The following ZFP90 variants were observed in gnomAD, a reference collection of about 807,000 sequenced individuals.
ZFP90 encodes the protein zinc finger protein 90 homolog.
ZFP90 carries 38 observed loss-of-function variants against 60.8 expected under a neutral mutation model. The ratio of observed to expected loss-of-function variants is 0.62; its 90% CI spans 0.48 to 0.82. The LOEUF (loss-of-function observed/expected upper bound fraction) is 0.82. Ranked by LOEUF, ZFP90 falls within the 40% of genes least tolerant of loss-of-function variation. The pLI, the probability that ZFP90 is intolerant of heterozygous loss-of-function variation, is 0.00. For synonymous variants in ZFP90, 287 were observed against 264.8 expected (o/e 1.08, Z -0.82); for missense variants, 711 against 759.1 (o/e 0.94, Z 0.74).
intron 2 of ZFP90, among the ~76,000 whole-genome samples, chr16:68,547,829 G>T (rs2091176913): frequency 1.4e-5 from 1 of 70,600 alleles, no homozygotes; most frequent in African/African-American, 6.9e-5. Context: ...AAATACAGTT[G>T]ATCTCTCTTT....
intron 2 of ZFP90, among the ~76,000 whole-genome samples, chr16:68,545,707 C>T (rs372866181): frequency 2.0e-5 from 3 of 152,056 alleles, no homozygotes; most frequent in South Asian, 4.2e-4. Flanking sequence ...CCCAGCTACT[C>T]GGGAGGCTGA....
intron 4 of ZFP90, among the ~76,000 whole-genome samples, chr16:68,559,046 C>G (rs1415017751): frequency 6.6e-6 from 1 of 152,140 alleles, no homozygotes; most frequent in South Asian, 2.1e-4. Context: ...TGACTCATTA[C>G]CTCCCTCCAC....
At chr16:68,545,982 C>G (rs955722178) in intron 2 of ZFP90, among the ~76,000 whole-genome samples, 2 of 152,058 alleles carry the variant, frequency 1.3e-5, no homozygotes, top group Non-Finnish European at 2.9e-5. Flanking sequence ...CGAAACCAAC[C>G]TGGGCCACAT....
intron 2 of ZFP90, among the ~76,000 whole-genome samples, chr16:68,556,172 A>G (rs1444761849): frequency 6.6e-6 from 1 of 151,864 alleles, no homozygotes; most frequent in Non-Finnish European, 1.5e-5. Flanking sequence ...CCTGTCTCCA[A>G]AAAAAAAGCC....
chr16:68,569,903 A>C (rs537542544), downstream of ZFP90, among the ~76,000 whole-genome samples: 1 of 152,162 alleles, frequency 6.6e-6, no homozygotes, highest in Admixed American at 6.5e-5. Flanking sequence ...GTCGTCCTCT[A>C]GTGTATTAGA....
intron 2 of ZFP90, among the ~76,000 whole-genome samples, chr16:68,550,285 A>G (rs1392583115): frequency 3.3e-5 from 5 of 152,282 alleles, no homozygotes; most frequent in Admixed American, 2.6e-4. Flanking sequence ...TTTGAAACAG[A>G]GTCTCACTCT....
intron 2 of ZFP90, chr16:68,555,094 C>T (rs2091322436): frequency 6.6e-6 from 1 of 152,250 alleles, no homozygotes; most frequent in African/African-American, 2.4e-5. Context: ...CTCTTAGGAC[C>T]TGGTACAGAG....
At chr16:68,535,395 A>AG (rs2152049135), upstream of ZFP90, 1 of 152,304 alleles carries the variant, frequency 6.6e-6, no homozygotes, top group South Asian at 2.1e-4. Context: ...TCATCTATGG[A>AG]GTCCCAATTT....
Position 68,566,945 on chromosome 16 carries a change from A to G in ZFP90, c.*2247A>G. On this transcript the variant is annotated 3_prime_UTR_variant, in exon 5 of 5. Coordinates refer to ENST00000563169, the MANE Select transcript of ZFP90 (RefSeq NM_001305203.2). The stretch of plus-strand genomic sequence containing the variant: ...TGGCCTAGATCCAGCCACCACTCTG[A>G]AACTCAGCACATCTTCATTGACAGG... The G allele has an allele frequency of 1.0e-6, 1 of 985,632 alleles. No homozygotes were observed. The highest frequency in any genetic ancestry group is 4.7e-5 in the South Asian group (1 of 21,292). 61.1% of individuals were successfully genotyped at this position (985,632 alleles called of 1,614,324 possible).
chr16:68,539,641 A>G (rs2152051782), intron 1 of ZFP90, 117 bp from the exon 2 acceptor site: 2 of 811,944 alleles, frequency 2.5e-6, no homozygotes, highest in Non-Finnish European at 3.6e-6. Flanking sequence ...GGCTGGTTCC[A>G]CGGTCCTCGC....
Position 68,564,005 on chromosome 16 carries a change from C to T in ZFP90, c.1218C>T (p.Ser406=). 6.2e-7 allele frequency: 1 copy of T among 1,613,862 alleles called. No individual in the cohort carries two copies. The highest frequency in any genetic ancestry group is 8.5e-7 in the Non-Finnish European group (1 of 1,179,958). Residue 406 remains serine (S), a synonymous_variant, in exon 5 of 5, where the codon AGC becomes AGT. Coordinates refer to ENST00000563169, the MANE Select transcript of ZFP90 (RefSeq NM_001305203.2). Reference sequence around the variant, plus strand: ...TATGTGGGAGGGCTTTTGGTCAGAGCCCATCCCTTTATAAACATATGAGGA... The same window carrying T: ...TATGTGGGAGGGCTTTTGGTCAGAGTCCATCCCTTTATAAACATATGAGGA... ...CSICGRAFGQ[S]PSLYKHMRIH...
downstream of ZFP90, among the ~76,000 whole-genome samples, chr16:68,567,868 A>G (rs750562664): frequency 1.3e-5 from 2 of 152,222 alleles, no homozygotes; most frequent in Non-Finnish European, 2.9e-5. Context: ...ACTTTTAGGC[A>G]TATTGATGGT....
upstream of ZFP90, among the ~76,000 whole-genome samples, chr16:68,538,945 T>TA (rs1224682050): frequency 2.0e-5 from 3 of 152,336 alleles, no homozygotes; most frequent in African/African-American, 7.2e-5. Flanking sequence ...GTGTCACTCT[T>TA]ACCGCTGAAG....
chr16:68,552,074 T>A (rs74248474), intron 2 of ZFP90, among the ~76,000 whole-genome samples: 3 of 151,852 alleles, frequency 2.0e-5, no homozygotes, highest in East Asian at 1.9e-4. Flanking sequence ...TGTTAGTTTT[T>A]AAAAGGGGTT....
At chr16:68,545,167 C>A (rs1228730745) in intron 2 of ZFP90, among the ~76,000 whole-genome samples, 1 of 151,962 alleles carries the variant, frequency 6.6e-6, no homozygotes, top group East Asian at 1.9e-4. Flanking sequence ...GCATGAGCCA[C>A]CGCGCCCGGC....
chr16:68,576,269 C>CT (rs2091593761), downstream of ZFP90, among the ~76,000 whole-genome samples: 2 of 152,154 alleles, frequency 1.3e-5, no homozygotes, highest in Non-Finnish European at 2.9e-5. Flanking sequence ...ACTCACAAGA[C>CT]TTATCTTTAT....
chr16:68,566,201 C>T lies in ZFP90; in HGVS notation c.*1503C>T. 1.0e-6 allele frequency: 1 copy of T among 985,566 alleles called. No homozygotes were observed. The highest frequency in any genetic ancestry group is 6.1e-5 in the Admixed American group (1 of 16,280). 61.1% of individuals were successfully genotyped at this position (985,566 alleles called of 1,614,324 possible). A position where few individuals can be genotyped will look rare whatever the true frequency, so the allele number is the denominator to read the frequency against. ...ATCAGCTAAGCTTCAGTGGCCTGCT[C>T]CATCCCCTAATGACTCCCATGGGCT... On this transcript the variant is annotated 3_prime_UTR_variant, in exon 5 of 5. Coordinates refer to ENST00000563169, the MANE Select transcript of ZFP90 (RefSeq NM_001305203.2).
chr16:68,547,270 A>G (rs1426517891), intron 2 of ZFP90, among the ~76,000 whole-genome samples: 5 of 152,068 alleles, frequency 3.3e-5, no homozygotes, highest in African/African-American at 9.7e-5. Flanking sequence ...AACCCTTGTT[A>G]TTTTCTGTTT....
At chr16:68,557,042 C>T (rs934233067) in intron 2 of ZFP90, 61 of 368,554 alleles carry the variant, frequency 1.7e-4, no homozygotes, top group African/African-American at 1.1e-3. Flanking sequence ...GGCTGGAGTA[C>T]AGTGGCATGA....
Sources: allele counts gnomAD v4.1 joint callset (sites outside exome capture counted in the v4.1 genomes callset), GRCh38; gene constraint gnomAD v4.1.1; transcripts MANE v1.5; gene names NCBI Gene and HGNC (gene_info 2026-07-23, HGNC 2026-07-21).